TNNT3: variants seen among roughly 807,000 people sequenced by gnomAD.
TNNT3 encodes troponin T, fast skeletal muscle.
A neutral mutation model predicts 54.2 loss-of-function variants in TNNT3; 36 were observed. That is an observed-to-expected ratio of 0.66 (90% confidence interval 0.51 to 0.88). The LOEUF (loss-of-function observed/expected upper bound fraction) is 0.88, where lower values mean the gene tolerates loss of function less well. Ranked by LOEUF, TNNT3 falls within the 40% of genes least tolerant of loss-of-function variation. The probability of loss-of-function intolerance (pLI) is 0.00; values close to 1 mark genes in which losing one functional copy is unlikely to be tolerated. For synonymous variants in TNNT3, 120 were observed against 109.7 expected, an observed-to-expected ratio of 1.09 and a Z score of -0.59; for missense variants, 291 against 331.6, an observed-to-expected ratio of 0.88 and a Z score of 0.95.
At chr11:1,924,915 C>T (rs1449085485) in intron 4 of TNNT3, 184 bp from the exon 5 acceptor site, 1 of 710,890 alleles carries the variant, frequency 1.4e-6, no homozygotes, top group Non-Finnish European at 2.6e-6. Context: ...TCCGTGCTCC[C>T]CGGGGCTGGC....
At chr11:1,934,240 C>T in intron 11 of TNNT3, 92 bp from the exon 12 acceptor site, 1 of 1,240,164 alleles carries the variant, frequency 8.1e-7, no homozygotes, top group Non-Finnish European at 1.2e-6. Context: ...CCCTTCCAGA[C>T]AGCTCTAAGC....
intron 8 of TNNT3, among the ~76,000 whole-genome samples, chr11:1,931,126 G>C (rs898695119): frequency 1.3e-5 from 2 of 152,026 alleles, no homozygotes; most frequent in Admixed American, 6.5e-5. Context: ...TTTTTACACA[G>C]TCTTCTTAAA....
intron 3 of TNNT3, 101 bp downstream of exon 3, chr11:1,923,162 C>T: frequency 6.6e-7 from 1 of 1,510,118 alleles, no homozygotes; most frequent in Non-Finnish European, 9.2e-7. Context: ...CCCTTGACAG[C>T]CCTACATCAG....
intron 9 of TNNT3, 105 bp from the exon 10 acceptor site, chr11:1,933,616 C>A: frequency 1.1e-6 from 1 of 869,694 alleles, no homozygotes; most frequent in Non-Finnish European, 1.9e-6. Context: ...GGAGTCAGGG[C>A]TTCTCTGCTG....
Position 1,925,124 on chromosome 11 carries a change from G to A in TNNT3, c.67+8G>A, listed in dbSNP as rs761966580. ...AGGAAGCCCAGGAGGAAGGTAAGTG[G>A]GGTCCAAGGCCCCGGCCCCCATGCC... On this transcript the variant is annotated splice_region_variant and intron_variant, in intron 5 of 15. Transcript: ENST00000278317. The A allele has an allele frequency of 6.2e-7, 1 of 1,612,758 alleles. No homozygotes were observed. The highest frequency in any genetic ancestry group is 1.7e-5 in the Admixed American group (1 of 59,980).
intron 11 of TNNT3, 83 bp from the exon 12 acceptor site, chr11:1,934,249 G>A: frequency 7.6e-7 from 1 of 1,318,462 alleles, no homozygotes; most frequent in Non-Finnish European, 1.1e-6. Context: ...ACAGCTCTAA[G>A]CCCAGGGTGG....
intron 6 of TNNT3, among the ~76,000 whole-genome samples, chr11:1,928,509 C>A (rs1007891914): frequency 6.6e-6 from 1 of 152,146 alleles, no homozygotes. Flanking sequence ...CGCCTGGGCT[C>A]CTGGCCTGTG....
In TNNT3 at chr11:1,930,579, C is replaced by A. The variant is rs572336899; in HGVS notation, c.125+751C>A. On this transcript the variant is annotated intron_variant, in intron 8 of 15. Transcript: ENST00000278317. ...ATCGGTATTCACCAGCCACAGCACT[C>A]GCTACGTGATTCACCCTTTTATCTC... 3.7e-4 allele frequency among the ~76,000 whole-genome samples: 57 copies of A among 152,314 alleles called. 1 individual carries two copies. The highest frequency in any genetic ancestry group is 1.4e-3 in the African/African-American group (57 of 41,564).
At chr11:1,936,147 T>C in intron 14 of TNNT3, 2 of 1,593,886 alleles carry the variant, frequency 1.3e-6, no homozygotes, top group Non-Finnish European at 1.7e-6. Flanking sequence ...CAGGCCAAGC[T>C]AGCCCACAGC....
intron 4 of TNNT3, 58 bp downstream of exon 4, chr11:1,923,630 C>T: frequency 7.9e-7 from 1 of 1,273,792 alleles, no homozygotes; most frequent in Non-Finnish European, 1.1e-6. Flanking sequence ...TAACCCCCCT[C>T]TCCCGTGTGG....
chr11:1,937,476 A>G (rs182449390), intron 15 of TNNT3, among the ~76,000 whole-genome samples: 232 of 152,192 alleles, frequency 1.5e-3, no homozygotes, highest in African/African-American at 5.5e-3. Context: ...ACTCCTCAGG[A>G]TGGTGAAACC....
chr11:1,924,583 G>C (rs903790317), intron 4 of TNNT3, among the ~76,000 whole-genome samples: 6 of 152,208 alleles, frequency 3.9e-5, no homozygotes, highest in African/African-American at 7.2e-5. Context: ...TATGGCACTG[G>C]GGAGCCATCT....
At chr11:1,932,204 A>G (rs2133420255) in intron 8 of TNNT3, among the ~76,000 whole-genome samples, 1 of 152,390 alleles carries the variant, frequency 6.6e-6, no homozygotes, top group South Asian at 2.1e-4. Context: ...GTGCAGTGAC[A>G]TTGCAATGGC....
At chr11:1,926,463 C>G in intron 5 of TNNT3, 1 of 1,613,204 alleles carries the variant, frequency 6.2e-7, no homozygotes, top group Non-Finnish European at 8.5e-7. Context: ...CTCCTTGGCC[C>G]GTGAAGTTCA....
chr11:1,922,153 G>T (rs1850262891), intron 1 of TNNT3, among the ~76,000 whole-genome samples: 1 of 152,216 alleles, frequency 6.6e-6, no homozygotes, highest in Non-Finnish European at 1.5e-5. Flanking sequence ...GTGCTCTGGG[G>T]CTCAGCCTCA....
chr11:1,935,247 C>A (rs1031133533), intron 14 of TNNT3: 3 of 431,202 alleles, frequency 7.0e-6, no homozygotes, highest in South Asian at 6.4e-5. Flanking sequence ...TTCGGAACCC[C>A]TTTAAGCTTA....
chr11:1,925,893 G>T (rs1224909592), intron 5 of TNNT3, among the ~76,000 whole-genome samples: 1 of 152,190 alleles, frequency 6.6e-6, no homozygotes. Flanking sequence ...GGTGCCCAGG[G>T]CTGCCAGCAC....
At chr11:1,922,479 G>T (rs959036710) in intron 1 of TNNT3, among the ~76,000 whole-genome samples, 7 of 152,168 alleles carry the variant, frequency 4.6e-5, no homozygotes, top group Non-Finnish European at 1.0e-4. Context: ...TGTCTAGAGC[G>T]GGCTGGACGG....
chr11:1,925,293 C>T (rs778636576), intron 5 of TNNT3, 177 bp downstream of exon 5: 3 of 1,592,696 alleles, frequency 1.9e-6, no homozygotes, highest in Admixed American at 1.7e-5. Flanking sequence ...GGACACAGGA[C>T]TTCTTGTCCC....
Sources: allele counts gnomAD v4.1 joint callset (sites outside exome capture counted in the v4.1 genomes callset), GRCh38; gene constraint gnomAD v4.1.1; transcripts MANE v1.5; gene names NCBI Gene and HGNC (gene_info 2026-07-23, HGNC 2026-07-21).